The following KLHL7 variants were observed in gnomAD, a reference collection of about 807,000 sequenced individuals.
The protein encoded by KLHL7 is kelch-like protein 7.
Under a neutral mutation model 67.4 loss-of-function variants are expected in KLHL7, and 44 were observed. The observed-to-expected ratio is 0.65, with a 90% CI of 0.51 to 0.84. The LOEUF is 0.84. KLHL7 is among the 40% of genes least tolerant of loss of function. KLHL7 has a pLI of 0.00. For missense variants in KLHL7, 362 were observed against 718.1 expected (o/e 0.50, Z 5.67); for synonymous variants, 252 against 243.3 (o/e 1.04, Z -0.33).
At chr7:23,106,457 G>T (rs996565818) in intron 1 of KLHL7, 1 of 1,221,538 alleles carries the variant, frequency 8.2e-7, no homozygotes, top group Non-Finnish European at 1.0e-6. Context: ...TCTTTGTGGG[G>T]CGAGGATCCT....
chr7:23,117,961 A>G (rs1009152636), intron 1 of KLHL7: 1 of 1,614,050 alleles, frequency 6.2e-7, no homozygotes, highest in East Asian at 2.2e-5. Context: ...ACATAAATCT[A>G]AAGGTTAGTC....
At chr7:23,164,204 C>CAAA (rs59830094) in intron 7 of KLHL7, among the ~76,000 whole-genome samples, 30 of 134,262 alleles carry the variant, frequency 2.2e-4, no homozygotes, top group African/African-American at 7.3e-4. Flanking sequence ...CTATAATCAG[C>CAAA]AAAAAAAAAA....
intron 1 of KLHL7, among the ~76,000 whole-genome samples, chr7:23,110,681 T>G (rs1009472896): frequency 6.6e-6 from 1 of 151,822 alleles, no homozygotes; most frequent in Non-Finnish European, 1.5e-5. Flanking sequence ...TTGTTACATA[T>G]GTATACATGT....
chr7:23,167,993 G>T lies in KLHL7; in HGVS notation c.1335G>T (p.Gly445=), dbSNP rs1324074773. 1 of 1,614,242 alleles carries T rather than the reference G, an allele frequency of 6.2e-7. No individual in the cohort carries two copies. Among genetic ancestry groups the T allele is most frequent in the Non-Finnish European group, 8.5e-7 (1 of 1,180,038 alleles). ...GAAGTTTAGGAAACAATGTTTCTGG[G>T]AGAGTGCTTAATTCCTGTGAAGTTT... The part of the protein sequence containing the change: ...CGGSLGNNVS[G]RVLNSCEVYD... The change falls in exon 9 of 11, where the codon GGG becomes GGT. Residue 445 remains glycine, a synonymous_variant. Transcript: ENST00000339077.
chr7:23,124,865 A>G, intron 3 of KLHL7, 84 bp downstream of exon 3: 1 of 1,152,946 alleles, frequency 8.7e-7, no homozygotes. Flanking sequence ...TAGTTGCACT[A>G]CAAATTCTTC....
chr7:23,165,244 A>G (rs1407905091), intron 7 of KLHL7, among the ~76,000 whole-genome samples: 2 of 152,258 alleles, frequency 1.3e-5, no homozygotes, highest in Non-Finnish European at 2.9e-5. Context: ...GCTTTAGACT[A>G]TCAGTAGGAT....
chr7:23,160,285 A>G lies in KLHL7; in HGVS notation c.937-5413A>G, dbSNP rs1232634240. On this transcript the variant is annotated intron_variant, in intron 7 of 10. Coordinates refer to ENST00000339077, the MANE Select transcript of KLHL7 (RefSeq NM_001031710.3). ...GCACAGGGATACTATATACTTCTCT[A>G]ATATGTTATTTCTACTCAAAGGACA... Among the ~76,000 whole-genome samples, 4 of 152,184 alleles carry G rather than the reference A, an allele frequency of 2.6e-5. No homozygotes were observed. The East Asian group carries it at 7.7e-4, about 29-fold the overall frequency.
At chr7:23,156,682 G>A (rs1005737936) in intron 7 of KLHL7, among the ~76,000 whole-genome samples, 1 of 152,164 alleles carries the variant, frequency 6.6e-6, no homozygotes, top group Admixed American at 6.5e-5. Context: ...GCGAGGGCCA[G>A]AGCCTGTAAA....
At chr7:23,119,514 ATAT>A (rs1335377586) in intron 1 of KLHL7, among the ~76,000 whole-genome samples, 1 of 152,188 alleles carries the variant, frequency 6.6e-6, no homozygotes, top group African/African-American at 2.4e-5. Flanking sequence ...ATATTGTCAC[ATAT>A]TATTAACATT....
chr7:23,140,623 A>G (rs1784149384), intron 4 of KLHL7, 146 bp from the exon 5 acceptor site: 1 of 756,852 alleles, frequency 1.3e-6, no homozygotes, highest in Admixed American at 2.0e-5. Flanking sequence ...TATTGGCACA[A>G]GAATAGACAA....
At chr7:23,145,961 G>T (rs894828001) in intron 6 of KLHL7, among the ~76,000 whole-genome samples, 4 of 152,200 alleles carry the variant, frequency 2.6e-5, no homozygotes. Flanking sequence ...CAAACTTCTG[G>T]GCTCAAGCAA....
intron 1 of KLHL7, among the ~76,000 whole-genome samples, chr7:23,119,792 T>C (rs985131794): frequency 6.6e-6 from 1 of 152,160 alleles, no homozygotes; most frequent in African/African-American, 2.4e-5. Context: ...TTTTTTCATT[T>C]GTGTTTCTTT....
intron 4 of KLHL7, among the ~76,000 whole-genome samples, chr7:23,134,362 T>C (rs754157335): frequency 6.6e-6 from 1 of 152,222 alleles, no homozygotes; most frequent in Non-Finnish European, 1.5e-5. Context: ...TAATATTTTG[T>C]TGAGGATTTT....
chr7:23,120,670 G>A (rs1783296906), intron 1 of KLHL7, among the ~76,000 whole-genome samples: 1 of 152,082 alleles, frequency 6.6e-6, no homozygotes, highest in Non-Finnish European at 1.5e-5. Flanking sequence ...GGGCTCAAGT[G>A]ATCCTCCCAT....
intron 6 of KLHL7, among the ~76,000 whole-genome samples, chr7:23,151,163 T>TGTTTG (rs369381084): frequency 1.4e-5 from 2 of 146,214 alleles, no homozygotes; most frequent in Admixed American, 6.7e-5. Flanking sequence ...TTTTGTTTTT[T>TGTTTG]TTTTTTTCTT....
At position 23,173,908 on chromosome 7, in the gene KLHL7, C is replaced by A. The variant is rs56081052; in HGVS notation, c.1478-107C>A. ...TATTACAGTTTTTCTGTGTGTTTGA[C>A]ATTTTTCACAATAAAATATTGGAAA... On this transcript the variant is annotated intron_variant, in intron 10 of 10. Coordinates refer to ENST00000339077, the MANE Select transcript of KLHL7 (RefSeq NM_001031710.3). 6.0e-3 allele frequency: 6,832 copies of A among 1,142,392 alleles called. 287 individuals are homozygous for A. The African/African-American group carries it at 0.093, about 16-fold the overall frequency. The allele number at this position is 1,142,392 out of a possible 1,614,324, so 70.8% of individuals were successfully genotyped here. A position where few individuals can be genotyped will look rare whatever the true frequency, so the allele number is the denominator to read the frequency against.
intron 5 of KLHL7, 130 bp downstream of exon 5, chr7:23,141,074 G>A: frequency 1.2e-6 from 1 of 853,882 alleles, no homozygotes; most frequent in Non-Finnish European, 1.9e-6. Context: ...ACTAAACAGA[G>A]TATTGTAATC....
At chr7:23,156,563 T>C (rs73273969) in intron 7 of KLHL7, among the ~76,000 whole-genome samples, 3,416 of 152,314 alleles carry the variant, frequency 0.022, 119 homozygotes, top group African/African-American at 0.078. Context: ...AGCTGGGGCT[T>C]TGTAAGGATC....
chr7:23,119,777 G>A (rs1783254237), intron 1 of KLHL7, among the ~76,000 whole-genome samples: 1 of 150,890 alleles, frequency 6.6e-6, no homozygotes, highest in Non-Finnish European at 1.5e-5. Flanking sequence ...TATGACTTGG[G>A]ATTTTTTTTT....
Sources: gnomAD v4.1 joint callset for allele counts (sites outside exome capture counted in the v4.1 genomes callset) on GRCh38, gnomAD v4.1.1 for gene constraint, MANE v1.5 for transcripts, NCBI Gene and HGNC (gene_info 2026-07-23, HGNC 2026-07-21) for gene names.